Variants in FGF12 observed in about 807,000 individuals in gnomAD.
FGF12 encodes the protein fibroblast growth factor 12.
FGF12 carries 14 observed loss-of-function variants against 23.6 expected under a neutral mutation model. That is an observed-to-expected ratio of 0.59 (90% confidence interval 0.39 to 0.93). The LOEUF is 0.93. FGF12 is among the 40% of genes least tolerant of loss of function. The pLI is 0.00. For missense variants in FGF12, 175 were observed against 217.8 expected, an observed-to-expected ratio of 0.80 and a Z score of 1.24; for synonymous variants, 62 against 77.3, an observed-to-expected ratio of 0.80 and a Z score of 1.04.
intron 4 of FGF12, among the ~76,000 whole-genome samples, chr3:192,212,645 T>C (rs1017970627): frequency 3.3e-5 from 5 of 152,190 alleles, no homozygotes; most frequent in African/African-American, 1.2e-4. Flanking sequence ...TCACATTTAA[T>C]ATAAACCTTT....
intron 2 of FGF12, among the ~76,000 whole-genome samples, chr3:192,642,391 A>T (rs1715840657): frequency 6.6e-6 from 1 of 152,168 alleles, no homozygotes; most frequent in Admixed American, 6.6e-5. Context: ...ACAGCACTCC[A>T]CTTGAAAGAT....
rs77462378 is a variant in FGF12, at chr3:192,544,789, G to T, written c.13+182392C>A. On this transcript the variant is annotated intron_variant, in intron 2 of 5. Transcript: ENST00000445105. Reference sequence around the variant, plus strand: ...CTAGACTTTTTAGACTCTCATTCCAGGTCTAGCCCACACAAGTTGTATAAG... The same window carrying T: ...CTAGACTTTTTAGACTCTCATTCCATGTCTAGCCCACACAAGTTGTATAAG... Among the ~76,000 whole-genome samples, 285 of 152,256 alleles carry T rather than the reference G, an allele frequency of 1.9e-3. 6 individuals carry two copies. The highest frequency in any genetic ancestry group is 0.017 in the South Asian group (80 of 4,818).
At chr3:192,462,888 T>C (rs999035149) in intron 2 of FGF12, among the ~76,000 whole-genome samples, 4 of 152,198 alleles carry the variant, frequency 2.6e-5, no homozygotes, top group South Asian at 2.1e-4. Context: ...AAGCACTCTG[T>C]AGAAGCTACA....
intron 2 of FGF12, among the ~76,000 whole-genome samples, chr3:192,631,067 T>G (rs1715375240): frequency 6.6e-6 from 1 of 152,194 alleles, no homozygotes; most frequent in Non-Finnish European, 1.5e-5. Context: ...ATCAAGTCCT[T>G]GCCAGCAGCT....
intron 3 of FGF12, among the ~76,000 whole-genome samples, chr3:192,356,169 C>A (rs1204025871): frequency 6.6e-6 from 1 of 152,100 alleles, no homozygotes; most frequent in Admixed American, 6.5e-5. Context: ...CATGCCCCTC[C>A]CACCACCACT....
intron 2 of FGF12, among the ~76,000 whole-genome samples, chr3:192,471,244 A>G (rs1723165905): frequency 6.6e-6 from 1 of 152,236 alleles, no homozygotes; most frequent in South Asian, 2.1e-4. Context: ...GCCCGGGAAC[A>G]GAGCTTTCTC....
intron 2 of FGF12, among the ~76,000 whole-genome samples, chr3:192,491,436 A>C (rs531826792): frequency 1.3e-5 from 2 of 152,218 alleles, no homozygotes; most frequent in Middle Eastern, 6.8e-3. Context: ...TTCATAACCT[A>C]ATATCATGAA....
chr3:192,543,445 A>G (rs373811703), intron 2 of FGF12, among the ~76,000 whole-genome samples: 14 of 152,046 alleles, frequency 9.2e-5, no homozygotes, highest in African/African-American at 3.1e-4. Context: ...CAGAAATGCC[A>G]TTCAAGAACC....
chr3:192,608,367 T>C (rs981728463), intron 2 of FGF12, among the ~76,000 whole-genome samples: 1 of 152,152 alleles, frequency 6.6e-6, no homozygotes, highest in African/African-American at 2.4e-5. Context: ...TTTACCTTGA[T>C]ATGATTATTA....
In FGF12 at chr3:192,373,558, A is replaced by C. The variant is rs564345156; in HGVS notation, c.14-13020T>G. Among the ~76,000 whole-genome samples, 15 of 152,368 alleles carry C rather than the reference A, an allele frequency of 9.8e-5. No homozygotes were observed. In the East Asian group the frequency reaches 2.7e-3, roughly 27 times the overall value. Reference sequence around the variant, plus strand: ...TATAATCTAGACAAACTATATTAATACAATTAATTTATTACTTGATATTAC... The same window carrying C: ...TATAATCTAGACAAACTATATTAATCCAATTAATTTATTACTTGATATTAC... On this transcript the variant is annotated intron_variant, in intron 2 of 5. Coordinates refer to ENST00000445105, the MANE Select transcript of FGF12 (RefSeq NM_004113.6).
intron 2 of FGF12, among the ~76,000 whole-genome samples, chr3:192,487,596 AGG>A (rs1393873693): frequency 2.0e-5 from 3 of 152,120 alleles, no homozygotes; most frequent in Non-Finnish European, 4.4e-5. Flanking sequence ...TTTGAGGGGC[AGG>A]GTATTGTATA....
At chr3:192,470,158 A>C (rs1723128678) in intron 2 of FGF12, among the ~76,000 whole-genome samples, 2 of 152,206 alleles carry the variant, frequency 1.3e-5, no homozygotes, top group Non-Finnish European at 2.9e-5. Context: ...GGCCAATAAT[A>C]AGATCAGTCT....
At chr3:192,299,249 C>T (rs1046250848) in intron 4 of FGF12, among the ~76,000 whole-genome samples, 24 of 152,270 alleles carry the variant, frequency 1.6e-4, no homozygotes, top group Non-Finnish European at 2.9e-4. Flanking sequence ...AGCTTTCCTG[C>T]CACCACCAAT....
At chr3:192,449,352 G>A (rs948525624) in intron 2 of FGF12, among the ~76,000 whole-genome samples, 1 of 152,090 alleles carries the variant, frequency 6.6e-6, no homozygotes, top group Non-Finnish European at 1.5e-5. Context: ...CACAAATTGT[G>A]GTGCTCACAG....
At chr3:192,366,921 T>A (rs1357979159) in intron 2 of FGF12, among the ~76,000 whole-genome samples, 1 of 152,064 alleles carries the variant, frequency 6.6e-6, no homozygotes, top group Non-Finnish European at 1.5e-5. Context: ...GTTACAGGAA[T>A]ATGCAGATTA....
At chr3:192,581,430 A>C (rs892016903) in intron 2 of FGF12, among the ~76,000 whole-genome samples, 1 of 146,924 alleles carries the variant, frequency 6.8e-6, no homozygotes, top group African/African-American at 2.5e-5. Flanking sequence ...GTGTGTGTAT[A>C]TATATATGTA....
chr3:192,378,475 T>C (rs1719671348), intron 2 of FGF12, among the ~76,000 whole-genome samples: 1 of 142,280 alleles, frequency 7.0e-6, no homozygotes, highest in Non-Finnish European at 1.5e-5. Context: ...CTTTTGTAAC[T>C]GGAAATTTAA....
intron 5 of FGF12, among the ~76,000 whole-genome samples, chr3:192,152,477 T>A (rs1363785262): frequency 6.7e-6 from 1 of 149,950 alleles, no homozygotes; most frequent in Non-Finnish European, 1.5e-5. Context: ...CTCTACACAC[T>A]GCTTTGAATG....
intron 2 of FGF12, among the ~76,000 whole-genome samples, chr3:192,439,696 G>A (rs1722136430): frequency 6.6e-6 from 1 of 152,154 alleles, no homozygotes; most frequent in East Asian, 1.9e-4. Flanking sequence ...GCATAACATG[G>A]CCAGGCGTGG....
Sources: allele counts gnomAD v4.1 joint callset (sites outside exome capture counted in the v4.1 genomes callset), GRCh38; gene constraint gnomAD v4.1.1; transcripts MANE v1.5; gene names NCBI Gene and HGNC (gene_info 2026-07-23, HGNC 2026-07-21).